Variants in TSPAN15 observed in about 807,000 individuals in gnomAD.
TSPAN15 encodes tetraspanin 15, also known as tetraspanin-15.
In TSPAN15, 20 loss-of-function variants were observed where a neutral mutation model predicts 34.5. That is an observed-to-expected ratio of 0.58 (90% CI 0.41 to 0.84). The LOEUF is 0.84. Among genes scored for constraint, TSPAN15 ranks in the 40% least tolerant of loss-of-function variants. The probability of loss-of-function intolerance (pLI) is 0.00; values close to 1 mark genes in which losing one functional copy is unlikely to be tolerated. For synonymous variants in TSPAN15, 155 were observed against 153.9 expected (o/e 1.01, Z -0.05); for missense variants, 313 against 386.1 (o/e 0.81, Z 1.59).
the TSPAN15 span, among the ~76,000 whole-genome samples, chr10:69,530,972 T>C: frequency 4.9e-5 from 7 of 143,894 alleles, no homozygotes; most frequent in Non-Finnish European, 1.1e-4. Context: ...AAAATACTAC[T>C]TATAAAATTC....
the TSPAN15 span, among the ~76,000 whole-genome samples, chr10:69,539,521 AAGAAGAAGAAGAAGAAGGAGAAGG>A: frequency 2.3e-3 from 202 of 89,424 alleles, 4 homozygotes; most frequent in South Asian, 0.022. Context: ...GAAGAAGAAG[AAGAAGAAGAAGAAGAAGGAGAAGG>A]AGAAGGAGAA....
intron 1 of TSPAN15, among the ~76,000 whole-genome samples, chr10:69,478,339 T>C (rs1045326608): frequency 1.3e-5 from 2 of 152,194 alleles, no homozygotes; most frequent in Non-Finnish European, 2.9e-5. Flanking sequence ...CCTTGGAGTT[T>C]AGCTCTTCCC....
intron 2 of TSPAN15, 129 bp from the exon 3 acceptor site, chr10:69,485,012 A>C: frequency 1.2e-6 from 1 of 851,312 alleles, no homozygotes; most frequent in Non-Finnish European, 2.0e-6. Context: ...GCAGAGGCCT[A>C]GGAGCTGGTA....
intron 1 of TSPAN15, among the ~76,000 whole-genome samples, chr10:69,479,066 C>T (rs1841676215): frequency 6.6e-6 from 1 of 152,240 alleles, no homozygotes; most frequent in African/African-American, 2.4e-5. Context: ...CCATCAGTTC[C>T]AGCCTCTCTT....
At chr10:69,538,251 T>A in the TSPAN15 span, among the ~76,000 whole-genome samples, 1 of 152,216 alleles carries the variant, frequency 6.6e-6, no homozygotes, top group Non-Finnish European at 1.5e-5. Flanking sequence ...ATATGGGGGT[T>A]TGCCTGGTTT....
rs747343999 is a variant in TSPAN15 at position 69,468,416 on chromosome 10, G to A, written c.97-15275G>A. ...GCTTGGGGTAGGCTGGGGTAGGGCC[G>A]AGAGAGCTCCCTTCTCTCATACCAG... On this transcript the variant is annotated intron_variant, in intron 1 of 7. Transcript: ENST00000373290. Among the ~76,000 whole-genome samples, 5 of 152,214 alleles carry A rather than the reference G, an allele frequency of 3.3e-5. No individual in the cohort carries two copies. In the East Asian group the frequency reaches 9.7e-4, roughly 29 times the overall value.
chr10:69,464,963 C>T (rs1841351740), intron 1 of TSPAN15, among the ~76,000 whole-genome samples: 1 of 152,340 alleles, frequency 6.6e-6, no homozygotes, highest in South Asian at 2.1e-4. Context: ...GGTCAGAACC[C>T]AGGCTGGGGG....
intron 3 of TSPAN15, chr10:69,494,940 A>G: frequency 1.1e-6 from 1 of 902,588 alleles, no homozygotes; most frequent in Non-Finnish European, 1.3e-6. Context: ...TGACTGGGAG[A>G]GGGCGGCCTG....
At chr10:69,470,496 C>T (rs1354004465) in intron 1 of TSPAN15, among the ~76,000 whole-genome samples, 1 of 152,122 alleles carries the variant, frequency 6.6e-6, no homozygotes, top group Non-Finnish European at 1.5e-5. Flanking sequence ...TTCACATGCC[C>T]ACTGTGGTCC....
At chr10:69,501,816 A>C (rs946712518) in intron 5 of TSPAN15, among the ~76,000 whole-genome samples, 2 of 152,060 alleles carry the variant, frequency 1.3e-5, no homozygotes, top group African/African-American at 4.8e-5. Flanking sequence ...CCTGAGCTAC[A>C]CCTCCTGTCA....
the TSPAN15 span, among the ~76,000 whole-genome samples, chr10:69,535,983 G>A: frequency 6.6e-6 from 1 of 152,204 alleles, no homozygotes; most frequent in Non-Finnish European, 1.5e-5. Flanking sequence ...AGAAATGGCA[G>A]GGATGGAGCA....
chr10:69,487,311 C>G (rs554892365), intron 3 of TSPAN15, among the ~76,000 whole-genome samples: 1 of 152,014 alleles, frequency 6.6e-6, no homozygotes, highest in African/African-American at 2.4e-5. Context: ...AGAATTCCCC[C>G]GAGAGCACAC....
At chr10:69,499,564 A>T (rs1178195312) in intron 5 of TSPAN15, among the ~76,000 whole-genome samples, 1 of 152,230 alleles carries the variant, frequency 6.6e-6, no homozygotes, top group Non-Finnish European at 1.5e-5. Context: ...TTCAACAAAT[A>T]TTGGCTGAGA....
chr10:69,541,962 G>A, the TSPAN15 span, among the ~76,000 whole-genome samples: 1 of 152,304 alleles, frequency 6.6e-6, no homozygotes, highest in East Asian at 1.9e-4. Flanking sequence ...TTAACATTCG[G>A]TTCCTCGTTA....
At chr10:69,493,658 G>A (rs141437626) in intron 3 of TSPAN15, among the ~76,000 whole-genome samples, 1 of 152,160 alleles carries the variant, frequency 6.6e-6, no homozygotes, top group South Asian at 2.1e-4. Flanking sequence ...ATTTTTAGTA[G>A]AGACGGGGTT....
chr10:69,504,555 G>C, intron 6 of TSPAN15, 70 bp downstream of exon 6: 2 of 1,515,640 alleles, frequency 1.3e-6, no homozygotes, highest in Non-Finnish European at 9.1e-7. Flanking sequence ...GATCGGAGGG[G>C]TTTATTGAGG....
chr10:69,507,784 G>T (rs1276966676), downstream of TSPAN15: 1 of 673,042 alleles, frequency 1.5e-6, no homozygotes, highest in South Asian at 1.9e-5. Context: ...TGAAGATTTG[G>T]CATAGCTTGG....
the TSPAN15 span, among the ~76,000 whole-genome samples, chr10:69,543,702 C>T: frequency 1.1e-4 from 16 of 152,062 alleles, no homozygotes; most frequent in Admixed American, 1.3e-4. Flanking sequence ...TCCTCCCTGG[C>T]GGTGGTCCGG....
the TSPAN15 span, among the ~76,000 whole-genome samples, chr10:69,526,935 A>G: frequency 3.4e-5 from 5 of 148,046 alleles, 1 homozygote; most frequent in African/African-American, 1.2e-4. Flanking sequence ...ATGATTAAAT[A>G]TAGAGTTTCC....
Sources: gnomAD v4.1 joint callset for allele counts (sites outside exome capture counted in the v4.1 genomes callset) on GRCh38, gnomAD v4.1.1 for gene constraint, MANE v1.5 for transcripts, NCBI Gene and HGNC (gene_info 2026-07-23, HGNC 2026-07-21) for gene names.